The following TAOK1 variants were observed in gnomAD, a reference collection of about 807,000 sequenced individuals.
TAOK1 encodes TAO kinase 1.
TAOK1 carries 21 observed loss-of-function variants against 138.3 expected under a neutral mutation model. The observed-to-expected ratio is 0.15, with a 90% confidence interval of 0.11 to 0.22. The LOEUF (loss-of-function observed/expected upper bound fraction) is 0.22, where lower values mean the gene tolerates loss of function less well. TAOK1 is among the 10% of genes least tolerant of loss of function. The pLI is 1.00. For missense variants in TAOK1, 651 were observed against 1,227.7 expected, an observed-to-expected ratio of 0.53 and a Z score of 7.02; for synonymous variants, 361 against 398.4, an observed-to-expected ratio of 0.91 and a Z score of 1.12.
Position 29,550,148 on chromosome 17 carries a change from A to G in TAOK1, c.*7126A>G, listed in dbSNP as rs185490937. 31 of 152,264 alleles carry G rather than the reference A, an allele frequency of 2.0e-4. No homozygotes were observed. Among genetic ancestry groups the G allele is most frequent in the Admixed American group, 1.6e-3 (25 of 15,296 alleles). 9.4% of individuals were successfully genotyped at this position (152,264 alleles called of 1,614,324 possible). ...TGTGTGGGGTTTCTATTAGAAGATAATTTTGTTCTCATTTTACCTTTTCTT... is the reference window on the plus strand; with the variant it reads ...TGTGTGGGGTTTCTATTAGAAGATAGTTTTGTTCTCATTTTACCTTTTCTT... On this transcript the variant is annotated 3_prime_UTR_variant, in exon 20 of 20. Coordinates refer to ENST00000261716, the MANE Select transcript of TAOK1 (RefSeq NM_020791.4).
chr17:29,392,880 G>C (rs1215037313), intron 1 of TAOK1, among the ~76,000 whole-genome samples: 1 of 152,078 alleles, frequency 6.6e-6, no homozygotes, highest in East Asian at 1.9e-4. Flanking sequence ...TTTGAAACCT[G>C]TTTTAAGATA....
chr17:29,479,606 A>G (rs931430712), intron 6 of TAOK1, among the ~76,000 whole-genome samples: 3 of 152,188 alleles, frequency 2.0e-5, no homozygotes, highest in Non-Finnish European at 4.4e-5. Context: ...AAAAAAATCA[A>G]ATGGAGGAAA....
In TAOK1 at chr17:29,510,851, A is replaced by G; in HGVS notation, c.1576-13A>G. 2 of 1,557,784 alleles carry G rather than the reference A, an allele frequency of 1.3e-6. No homozygotes were observed. Among genetic ancestry groups the G allele is most frequent in the South Asian group, 2.5e-5 (2 of 81,026 alleles). On this transcript the variant is annotated splice_polypyrimidine_tract_variant and intron_variant, in intron 14 of 19. Coordinates refer to ENST00000261716, the MANE Select transcript of TAOK1 (RefSeq NM_020791.4). ...CTTAACTAAATTTGATTCATTTTTT[A>G]AACTTCATATAGGCTAAAGTGATGT...
chr17:29,515,277 C>G (rs1335217516), intron 15 of TAOK1, among the ~76,000 whole-genome samples: 1 of 152,142 alleles, frequency 6.6e-6, no homozygotes, highest in African/African-American at 2.4e-5. Context: ...TTGCCAAAAA[C>G]TTAGCATCAA....
chr17:29,412,655 G>T (rs778749203), intron 1 of TAOK1, among the ~76,000 whole-genome samples: 10 of 152,180 alleles, frequency 6.6e-5, no homozygotes, highest in Non-Finnish European at 1.3e-4. Flanking sequence ...AGGACATACA[G>T]TACTAATTGT....
intron 1 of TAOK1, among the ~76,000 whole-genome samples, chr17:29,397,664 G>GATACATGT (rs149632037): frequency 1.1e-4 from 4 of 35,604 alleles, no homozygotes; most frequent in Non-Finnish European, 1.7e-4. Flanking sequence ...ATTCATGTAT[G>GATACATGT]ATACATGTAT....
intron 19 of TAOK1, among the ~76,000 whole-genome samples, chr17:29,540,715 C>G (rs1305143903): frequency 2.0e-5 from 3 of 152,202 alleles, no homozygotes; most frequent in Admixed American, 6.5e-5. Context: ...GGATTACAGG[C>G]ATGTGCCACC....
chr17:29,402,744 T>A (rs1013825833), intron 1 of TAOK1, among the ~76,000 whole-genome samples: 8 of 152,104 alleles, frequency 5.3e-5, no homozygotes, highest in Non-Finnish European at 1.2e-4. Flanking sequence ...AAGTATATTT[T>A]AAAAATGCCA....
chr17:29,504,529 G>T (rs893146845), intron 13 of TAOK1, among the ~76,000 whole-genome samples: 4 of 151,808 alleles, frequency 2.6e-5, no homozygotes, highest in Admixed American at 6.6e-5. Context: ...AATTAGCTGG[G>T]CGTGATGGCG....
At chr17:29,470,417 A>G (rs1416169836) in intron 3 of TAOK1, among the ~76,000 whole-genome samples, 2 of 152,178 alleles carry the variant, frequency 1.3e-5, no homozygotes, top group African/African-American at 4.8e-5. Flanking sequence ...GCATTTAGGA[A>G]CTTAAATCTC....
chr17:29,526,016 G>A (rs1219837494), intron 17 of TAOK1, among the ~76,000 whole-genome samples: 1 of 152,066 alleles, frequency 6.6e-6, no homozygotes, highest in African/African-American at 2.4e-5. Context: ...AATAATGTCC[G>A]GGCGTGGTGG....
At chr17:29,473,016 C>T (rs965936158) in intron 3 of TAOK1, among the ~76,000 whole-genome samples, 2 of 152,150 alleles carry the variant, frequency 1.3e-5, no homozygotes, top group African/African-American at 4.8e-5. Flanking sequence ...TGGCTAGGTA[C>T]ACGGGCAAAG....
chr17:29,503,544 T>C, intron 13 of TAOK1, among the ~76,000 whole-genome samples: 1 of 152,142 alleles, frequency 6.6e-6, no homozygotes, highest in East Asian at 1.9e-4. Flanking sequence ...ATGGATTATC[T>C]GTTCATTACA....
intron 1 of TAOK1, among the ~76,000 whole-genome samples, chr17:29,405,514 C>T (rs1345790212): frequency 6.6e-6 from 1 of 152,112 alleles, no homozygotes; most frequent in African/African-American, 2.4e-5. Context: ...AGTGGTGGCT[C>T]ATGCCTGTAA....
intron 1 of TAOK1, among the ~76,000 whole-genome samples, chr17:29,427,907 C>T (rs1464300349): frequency 3.1e-5 from 4 of 129,816 alleles, no homozygotes; most frequent in Non-Finnish European, 4.7e-5. Flanking sequence ...GCCTGGGCAA[C>T]AGCGTGAGAC....
chr17:29,502,026 C>T (rs1567736763), intron 12 of TAOK1, among the ~76,000 whole-genome samples: 1 of 152,110 alleles, frequency 6.6e-6, no homozygotes, highest in Non-Finnish European at 1.5e-5. Context: ...GGTGACAAAG[C>T]GAGATCCTGT....
chr17:29,443,343 T>C (rs779652078), intron 1 of TAOK1, among the ~76,000 whole-genome samples: 28 of 152,246 alleles, frequency 1.8e-4, no homozygotes, highest in Non-Finnish European at 2.9e-4. Context: ...TTTGTTGCTC[T>C]TGAATGATGT....
chr17:29,428,629 A>C lies in TAOK1; in HGVS notation c.-94-22826A>C, dbSNP rs1286491342. The stretch of plus-strand genomic sequence containing the variant: ...GTAATTATTTTAAAACAGTTGTGAG[A>C]GTTATATATATATTTTTATTTTTTG... On this transcript the variant is annotated intron_variant, in intron 1 of 19. Transcript: ENST00000261716. 2.0e-5 allele frequency among the ~76,000 whole-genome samples: 3 copies of C among 151,816 alleles called. No homozygotes were observed. In the South Asian group the frequency reaches 6.3e-4, roughly 32 times the overall value.
chr17:29,411,616 C>T (rs1459975806), intron 1 of TAOK1, among the ~76,000 whole-genome samples: 1 of 151,260 alleles, frequency 6.6e-6, no homozygotes, highest in African/African-American at 2.4e-5. Flanking sequence ...TGGTCTCAAA[C>T]TCCTGACCTC....
Sources: gnomAD v4.1 joint callset for allele counts (sites outside exome capture counted in the v4.1 genomes callset) on GRCh38, gnomAD v4.1.1 for gene constraint, MANE v1.5 for transcripts, NCBI Gene and HGNC (gene_info 2026-07-23, HGNC 2026-07-21) for gene names.